The following ADGRA3 variants were observed in gnomAD, a reference collection of about 807,000 sequenced individuals.
ADGRA3 encodes the protein G-protein coupled receptor 125.
A neutral mutation model predicts 119.8 loss-of-function variants in ADGRA3; 56 were observed. The observed-to-expected ratio is 0.47, with a 90% CI of 0.38 to 0.58. The LOEUF (loss-of-function observed/expected upper bound fraction) is 0.58. ADGRA3 is among the 20% of genes least tolerant of loss of function. The probability of loss-of-function intolerance (pLI) is 0.00; values close to 1 mark genes in which losing one functional copy is unlikely to be tolerated. For synonymous variants in ADGRA3, 607 were observed against 623.8 expected (o/e 0.97, Z 0.40); for missense variants, 1,516 against 1,649.0 (o/e 0.92, Z 1.40).
At chr4:22,471,413 A>G (rs1244380684) in intron 2 of ADGRA3, among the ~76,000 whole-genome samples, 3 of 152,126 alleles carry the variant, frequency 2.0e-5, no homozygotes, top group African/African-American at 7.2e-5. Context: ...AACCCTCATG[A>G]CACGTAACAA....
chr4:22,409,040 CA>C (rs1715075588), intron 14 of ADGRA3, among the ~76,000 whole-genome samples: 1 of 152,264 alleles, frequency 6.6e-6, no homozygotes, highest in African/African-American at 2.4e-5. Flanking sequence ...AGTCTAAAAA[CA>C]GGCCAAACCT....
chr4:22,462,110 C>T (rs1717485365), intron 2 of ADGRA3, among the ~76,000 whole-genome samples: 1 of 152,144 alleles, frequency 6.6e-6, no homozygotes, highest in South Asian at 2.1e-4. Flanking sequence ...CAATCATATA[C>T]ATTATTTCTA....
chr4:22,402,949 T>C, intron 14 of ADGRA3, 150 bp from the exon 15 acceptor site: 1 of 735,814 alleles, frequency 1.4e-6, no homozygotes, highest in Admixed American at 3.3e-5. Flanking sequence ...CACGCTATTT[T>C]CCTAACATGT....
At chr4:22,396,134 G>A (rs1477283128) in intron 16 of ADGRA3, among the ~76,000 whole-genome samples, 1 of 152,110 alleles carries the variant, frequency 6.6e-6, no homozygotes, top group Non-Finnish European at 1.5e-5. Context: ...ATCCCTTCCA[G>A]ACTTGAGTCA....
intron 2 of ADGRA3, 81 bp downstream of exon 2, chr4:22,473,691 A>T: frequency 1.3e-6 from 1 of 778,056 alleles, no homozygotes; most frequent in Non-Finnish European, 2.0e-6. Context: ...CTGGGAATTT[A>T]GTCACAGATT....
At chr4:22,394,800 G>A (rs1714283401) in intron 16 of ADGRA3, 1 of 152,136 alleles carries the variant, frequency 6.6e-6, no homozygotes, top group Non-Finnish European at 1.5e-5. Flanking sequence ...AATTTCCAGA[G>A]GAGGTTTACT....
chr4:22,426,897 G>A (rs893832561), intron 10 of ADGRA3, among the ~76,000 whole-genome samples: 1 of 152,086 alleles, frequency 6.6e-6, no homozygotes, highest in African/African-American at 2.4e-5. Context: ...CAGATATGGG[G>A]GTGAATGTCA....
intron 1 of ADGRA3, among the ~76,000 whole-genome samples, chr4:22,507,097 G>A (rs930670539): frequency 2.5e-4 from 38 of 151,282 alleles, no homozygotes; most frequent in Non-Finnish European, 1.2e-4. Flanking sequence ...AAAATTAGCC[G>A]GGCATGGTGG....
intron 14 of ADGRA3, among the ~76,000 whole-genome samples, chr4:22,410,218 T>A (rs1006991223): frequency 2.6e-5 from 4 of 152,202 alleles, no homozygotes; most frequent in Non-Finnish European, 5.9e-5. Context: ...AATTAGCTTA[T>A]CTTCACCACT....
At chr4:22,457,383 G>A (rs973092545) in intron 3 of ADGRA3, among the ~76,000 whole-genome samples, 1 of 152,102 alleles carries the variant, frequency 6.6e-6, no homozygotes, top group African/African-American at 2.4e-5. Context: ...TAAGAAAAAC[G>A]GTCTGTATCT....
At chr4:22,413,932 G>A (rs903871119) in intron 12 of ADGRA3, 118 bp from the exon 13 acceptor site, 5 of 632,230 alleles carry the variant, frequency 7.9e-6, no homozygotes, top group African/African-American at 3.7e-5. Flanking sequence ...TTTTAAATTG[G>A]ATATACAAAA....
At chr4:22,512,531 C>G (rs1398244549) in intron 1 of ADGRA3, among the ~76,000 whole-genome samples, 1 of 152,092 alleles carries the variant, frequency 6.6e-6, no homozygotes, top group Non-Finnish European at 1.5e-5. Context: ...ATTAAAGGAT[C>G]TTGGGATGAG....
rs559384192 is a variant in ADGRA3, at chr4:22,410,936, AT to A, written c.2232+2245del. Among the ~76,000 whole-genome samples the A allele has an allele frequency of 9.8e-5, 15 of 152,300 alleles. No individual in the cohort carries two copies. The East Asian group carries it at 1.2e-3, about 12-fold the overall frequency. Reference sequence around the variant, plus strand: ...TTAACTTTAAAGAATTGTGTATTACATTTTTTTAAGAGATTAAAAGTCTGAA... The same window carrying A: ...TTAACTTTAAAGAATTGTGTATTACATTTTTTAAGAGATTAAAAGTCTGAA... On this transcript the variant is annotated intron_variant, in intron 14 of 18. Coordinates refer to ENST00000334304, the MANE Select transcript of ADGRA3 (RefSeq NM_145290.4).
At chr4:22,400,692 A>G (rs1714593855) in intron 16 of ADGRA3, among the ~76,000 whole-genome samples, 1 of 151,948 alleles carries the variant, frequency 6.6e-6, no homozygotes, top group African/African-American at 2.4e-5. Context: ...CATGTTATAT[A>G]TTTTTTTAAT....
At chr4:22,478,279 A>T (rs1017092821) in intron 1 of ADGRA3, 8 of 152,172 alleles carry the variant, frequency 5.3e-5, no homozygotes, top group East Asian at 1.9e-4. Flanking sequence ...ATATTTTTTT[A>T]AAAAATCAAA....
At position 22,438,429 on chromosome 4, in the gene ADGRA3, A is replaced by G; in HGVS notation, c.921-9T>C. The G allele has an allele frequency of 6.2e-7, 1 of 1,606,756 alleles. No homozygotes were observed. On this transcript the variant is annotated splice_polypyrimidine_tract_variant and intron_variant, in intron 7 of 18. Transcript: ENST00000334304. ...TAGAAATGGTTAGGGCACTGCATAA[A>G]GAAAGATTTTAAAAAGAGAGAAAAT...
At chr4:22,390,529 G>A (rs1434370918) in intron 17 of ADGRA3, among the ~76,000 whole-genome samples, 1 of 150,544 alleles carries the variant, frequency 6.6e-6, no homozygotes, top group East Asian at 2.0e-4. Context: ...TCTTCCTTCT[G>A]CCAACGCTGG....
At chr4:22,444,658 TTG>T (rs1481991710) in intron 6 of ADGRA3, among the ~76,000 whole-genome samples, 1 of 152,242 alleles carries the variant, frequency 6.6e-6, no homozygotes, top group East Asian at 1.9e-4. Context: ...CATCCTGAGA[TTG>T]TGTTACTACA....
rs776038380 is a variant in ADGRA3, at chr4:22,388,204, G to A, written c.3467C>T (p.Ala1156Val). ...TGTTCGAAACTGAACTTCTAAAGGC[G>A]CCACGTGCATTTTAATATCATTGTC... ...SMDNDIKMHVAPLEVQFRTNV... is the reference protein window; with the variant it reads ...SMDNDIKMHVVPLEVQFRTNV... Residue 1156 changes from alanine (A) to valine (V), a missense_variant, in exon 19 of 19, where the codon GCG (alanine) becomes GTG (valine). By Grantham distance (64) the Ala-to-Val change is moderately conservative. Coordinates refer to ENST00000334304, the MANE Select transcript of ADGRA3 (RefSeq NM_145290.4). 3.1e-6 allele frequency: 5 copies of A among 1,613,852 alleles called. No homozygotes were observed. The highest frequency in any genetic ancestry group is 4.2e-6 in the Non-Finnish European group (5 of 1,179,988).
Sources: allele counts gnomAD v4.1 joint callset (sites outside exome capture counted in the v4.1 genomes callset), GRCh38; gene constraint gnomAD v4.1.1; transcripts MANE v1.5; gene names NCBI Gene and HGNC (gene_info 2026-07-23, HGNC 2026-07-21).